NRXN2: variants seen among roughly 807,000 people sequenced by gnomAD.
The protein encoded by NRXN2 is neurexin-2-beta.
A neutral mutation model predicts 128.8 loss-of-function variants in NRXN2; 29 were observed. The observed-to-expected ratio is 0.23, with a 90% CI of 0.17 to 0.31. The LOEUF is 0.31. Ranked by LOEUF, NRXN2 falls within the 10% of genes least tolerant of loss-of-function variation. The pLI is 1.00. For synonymous variants in NRXN2, 1,098 were observed against 1,075.2 expected, an observed-to-expected ratio of 1.02 and a Z score of -0.41; for missense variants, 1,881 against 2,452.6, an observed-to-expected ratio of 0.77 and a Z score of 4.92.
chr11:64,679,291 T>C (rs986727079), intron 6 of NRXN2, among the ~76,000 whole-genome samples: 3 of 152,164 alleles, frequency 2.0e-5, no homozygotes, highest in African/African-American at 7.2e-5. Context: ...TTCAAAAGTT[T>C]TCAACTTTAT....
At chr11:64,710,545 A>G (rs975030942) in intron 2 of NRXN2, among the ~76,000 whole-genome samples, 2 of 152,158 alleles carry the variant, frequency 1.3e-5, no homozygotes, top group African/African-American at 2.4e-5. Context: ...AGCCCAATTC[A>G]GCCACAGTGA....
chr11:64,721,560 A>G (rs1403601922), intron 1 of NRXN2, among the ~76,000 whole-genome samples: 1 of 152,102 alleles, frequency 6.6e-6, no homozygotes, highest in Non-Finnish European at 1.5e-5. Flanking sequence ...AAGAGGAGGT[A>G]GGGACTGAGG....
chr11:64,705,804 T>G (rs1487820952), intron 2 of NRXN2, among the ~76,000 whole-genome samples: 1 of 150,500 alleles, frequency 6.6e-6, no homozygotes, highest in Non-Finnish European at 1.5e-5. Context: ...CTTCCAACCG[T>G]GCAGACCTGA....
In NRXN2 at chr11:64,690,446, GC is replaced by G. The variant is rs754860965; in HGVS notation, c.808del (p.Ala270ProfsTer57). On this transcript the variant is annotated frameshift_variant, in exon 5 of 23. Coordinates refer to ENST00000265459, the MANE Select transcript of NRXN2 (RefSeq NM_015080.4). LOFTEE classifies it high-confidence loss of function. ...CACATCGCCGGCTCCTCCTCTCCCG[GC>G]CCCCCCCTCGGAGAACAGTAAGGAC... ...VGSLLFSEGGAGRGGAGDVHQ... is the reference protein window; with the variant it reads ...VGSLLFSEGGXGRGGAGDVHQ... 2.5e-6 allele frequency: 4 copies of G among 1,608,938 alleles called. No individual in the cohort carries two copies. Among genetic ancestry groups the G allele is most frequent in the Non-Finnish European group, 3.4e-6 (4 of 1,176,724 alleles).
chr11:64,657,126 C>A (rs987811786), intron 11 of NRXN2, among the ~76,000 whole-genome samples: 3 of 152,170 alleles, frequency 2.0e-5, no homozygotes, highest in Non-Finnish European at 4.4e-5. Flanking sequence ...CCTCACCAGG[C>A]TTCTCTCTCT....
At chr11:64,644,702 G>A in intron 17 of NRXN2, among the ~76,000 whole-genome samples, 1 of 152,152 alleles carries the variant, frequency 6.6e-6, no homozygotes, top group Admixed American at 6.5e-5. Context: ...AGGTGGAGAG[G>A]GCACCTGGGG....
chr11:64,677,181 C>G, intron 6 of NRXN2, 144 bp from the exon 7 acceptor site: 1 of 594,864 alleles, frequency 1.7e-6, no homozygotes, highest in Non-Finnish European at 2.9e-6. Context: ...AATATATATC[C>G]ATATATATTT....
rs1315757480 is a variant in NRXN2 at position 64,714,319 on chromosome 11, G to A, written c.-244-376C>T. ...AACTCTCCTCCGCCTGGTGACCCCA[G>A]CCCCTTCTCTGAACCGCCCAGCCTC... On this transcript the variant is annotated intron_variant, in intron 1 of 22. Transcript: ENST00000265459. The surrounding 1 kb of genome is among the most constrained non-coding windows in gnomAD (Gnocchi z 4.5). Among the ~76,000 whole-genome samples, 1 of 152,086 alleles carries A rather than the reference G, an allele frequency of 6.6e-6. No homozygotes were observed. Among genetic ancestry groups the A allele is most frequent in the Non-Finnish European group, 1.5e-5 (1 of 68,008 alleles).
chr11:64,680,301 T>C (rs1565391805), intron 6 of NRXN2, among the ~76,000 whole-genome samples: 1 of 152,126 alleles, frequency 6.6e-6, no homozygotes, highest in Non-Finnish European at 1.5e-5. Flanking sequence ...CTGTGGACCT[T>C]GAGTAAGAGA....
chr11:64,617,781 C>G (rs1252090241), intron 22 of NRXN2, among the ~76,000 whole-genome samples: 1 of 152,186 alleles, frequency 6.6e-6, no homozygotes, highest in African/African-American at 2.4e-5. Flanking sequence ...CTGGGAGACC[C>G]TGGAGTCATT....
chr11:64,706,416 T>C (rs530590162), intron 2 of NRXN2, among the ~76,000 whole-genome samples: 1 of 146,406 alleles, frequency 6.8e-6, no homozygotes, highest in Non-Finnish European at 1.5e-5. Flanking sequence ...AGTGAGAACA[T>C]GCGGTGTTTG....
At chr11:64,664,748 T>G (rs1349686735) in intron 9 of NRXN2, among the ~76,000 whole-genome samples, 1 of 151,960 alleles carries the variant, frequency 6.6e-6, no homozygotes, top group Non-Finnish European at 1.5e-5. Context: ...TCCCATCACT[T>G]TGGGAGGCCG....
rs1454751163 is a variant in NRXN2, at chr11:64,622,285, G to C, written c.4173+468C>G. ...CTCTGGAGAGGGGCTGCCCATGCCA[G>C]GTGACTGCATCCAGCCCTCCCATGC... is the stretch of plus-strand genomic sequence containing the variant. On this transcript the variant is annotated intron_variant, in intron 21 of 22. Coordinates refer to ENST00000265459, the MANE Select transcript of NRXN2 (RefSeq NM_015080.4). The surrounding 1 kb of genome is among the most constrained non-coding windows in gnomAD (Gnocchi z 4.3). Among the ~76,000 whole-genome samples the C allele has an allele frequency of 6.6e-6, 1 of 152,186 alleles. No homozygotes were observed. The highest frequency in any genetic ancestry group is 1.5e-5 in the Non-Finnish European group (1 of 68,026).
Position 64,622,919 on chromosome 11 carries a change from T to A in NRXN2, c.4007A>T (p.His1336Leu). ...CGGCCCCTCCCCCACCAGGCGCAGG[T>A]GACCCTCAGTCCGCACATTGGGGTC... ...ESDPNVRTEG[H>L]LRLVGEGPSV... The change falls in exon 21 of 23, where the codon CAC (histidine) becomes CTC (leucine). Residue 1336 changes from histidine (H) to leucine (L), a missense_variant. His to Leu is a moderately conservative substitution (Grantham distance 99, BLOSUM62 -3). Transcript: ENST00000265459. The surrounding 1 kb of genome is among the most constrained non-coding windows in gnomAD (Gnocchi z 4.3). 6.2e-7 allele frequency: 1 copy of A among 1,613,304 alleles called. No homozygotes were observed. Among genetic ancestry groups the A allele is most frequent in the Non-Finnish European group, 8.5e-7 (1 of 1,179,828 alleles).
chr11:64,634,391 G>A (rs1468569343), intron 18 of NRXN2, among the ~76,000 whole-genome samples: 3 of 152,166 alleles, frequency 2.0e-5, no homozygotes, highest in Admixed American at 6.5e-5. Context: ...ACCAGAGGTC[G>A]TAGGGAAGGG....
intron 9 of NRXN2, among the ~76,000 whole-genome samples, chr11:64,666,161 C>T (rs1051933054): frequency 3.3e-5 from 5 of 152,074 alleles, no homozygotes; most frequent in Admixed American, 3.3e-4. Context: ...CCTTGGACAC[C>T]ATCTGGCACA....
chr11:64,618,806 C>T (rs897979511), intron 22 of NRXN2, among the ~76,000 whole-genome samples: 1 of 152,202 alleles, frequency 6.6e-6, no homozygotes, highest in Admixed American at 6.5e-5. Context: ...GGCCCAGCAG[C>T]TGGCAGCTCC....
intron 1 of NRXN2, among the ~76,000 whole-genome samples, chr11:64,715,598 G>A (rs964586317): frequency 3.2e-4 from 48 of 152,090 alleles, no homozygotes; most frequent in African/African-American, 1.2e-3. Context: ...GAAGGTAGTC[G>A]GGAGCGTTGG....
chr11:64,685,641 C>T lies in NRXN2; in HGVS notation c.1152+5G>A. The T allele has an allele frequency of 6.2e-7, 1 of 1,614,224 alleles. No individual in the cohort carries two copies. Among genetic ancestry groups the T allele is most frequent in the South Asian group, 1.1e-5 (1 of 91,080 alleles). On this transcript the variant is annotated splice_donor_5th_base_variant and intron_variant, in intron 6 of 22. Transcript: ENST00000265459. ...AATCCCTGGCCTTCTTCTCACTCCT[C>T]CTACCTGGCGCAGGTTTCGGGTGAC...
Sources: allele counts gnomAD v4.1 joint callset (sites outside exome capture counted in the v4.1 genomes callset), GRCh38; gene constraint gnomAD v4.1.1; non-coding constraint Gnocchi (gnomAD v3.1); transcripts MANE v1.5; gene names NCBI Gene and HGNC (gene_info 2026-07-23, HGNC 2026-07-21).